CDH11: variants seen among roughly 807,000 people sequenced by gnomAD.
CDH11 encodes cadherin 11, also known as cadherin-11.
CDH11 carries 11 observed loss-of-function variants against 67.8 expected under a neutral mutation model. That is an observed-to-expected ratio of 0.16 (90% CI 0.10 to 0.27). The LOEUF is 0.27. CDH11 is among the 10% of genes least tolerant of loss of function. The probability of loss-of-function intolerance (pLI) is 1.00; values close to 1 mark genes in which losing one functional copy is unlikely to be tolerated. For missense variants in CDH11, 847 were observed against 1,031.2 expected, an observed-to-expected ratio of 0.82 and a Z score of 2.45; for synonymous variants, 419 against 400.0, an observed-to-expected ratio of 1.05 and a Z score of -0.57.
chr16:65,087,186 A>C (rs549536341), intron 1 of CDH11, among the ~76,000 whole-genome samples: 63 of 152,276 alleles, frequency 4.1e-4, no homozygotes, highest in African/African-American at 1.4e-3. Context: ...TCCTCCAACA[A>C]TGACAGCAGC....
intron 1 of CDH11, among the ~76,000 whole-genome samples, chr16:65,097,306 C>T (rs985876732): frequency 6.6e-6 from 1 of 152,162 alleles, no homozygotes; most frequent in Non-Finnish European, 1.5e-5. Context: ...CTGTTAGCCT[C>T]GATTTCCTCA....
At chr16:64,971,175 G>C (rs918858194) in intron 11 of CDH11, among the ~76,000 whole-genome samples, 1 of 152,170 alleles carries the variant, frequency 6.6e-6, no homozygotes. Flanking sequence ...TGGAAAGGAA[G>C]GCCAGCTGAA....
At chr16:65,099,327 T>C (rs1489853961) in intron 1 of CDH11, among the ~76,000 whole-genome samples, 3 of 152,200 alleles carry the variant, frequency 2.0e-5, no homozygotes. Flanking sequence ...CATCCAACAA[T>C]TTTGAGGACC....
At chr16:64,987,964 T>A in intron 7 of CDH11, 193 bp downstream of exon 7, 1 of 456,308 alleles carries the variant, frequency 2.2e-6, no homozygotes, top group East Asian at 3.4e-5. Context: ...AGCCCCTTTG[T>A]CAGCTTCTCT....
intron 1 of CDH11, among the ~76,000 whole-genome samples, chr16:65,081,982 G>A (rs1320391812): frequency 6.6e-6 from 1 of 152,170 alleles, no homozygotes; most frequent in African/African-American, 2.4e-5. Context: ...ACCCTGCACA[G>A]GGCCACTGCT....
rs1280370621 is a variant in CDH11 at position 65,003,076 on chromosome 16, C to T, written c.228+1566G>A. 6.4e-5 allele frequency among the ~76,000 whole-genome samples: 9 copies of T among 140,096 alleles called. No individual in the cohort carries two copies. The East Asian group carries it at 1.7e-3, about 26-fold the overall frequency. 91.9% of individuals were successfully genotyped at this position (140,096 alleles called of 152,430 possible). On this transcript the variant is annotated intron_variant, in intron 3 of 12. Transcript: ENST00000268603. ...TTTCAGTTCTTATGTATCTAAGGATCTATCTTTGTTTTTTTTTTTTTTGAG... is the reference window on the plus strand; with the variant it reads ...TTTCAGTTCTTATGTATCTAAGGATTTATCTTTGTTTTTTTTTTTTTTGAG...
intron 1 of CDH11, among the ~76,000 whole-genome samples, chr16:65,114,765 T>G (rs2075214874): frequency 1.3e-5 from 2 of 152,088 alleles, no homozygotes; most frequent in Non-Finnish European, 2.9e-5. Context: ...AGCCTGGCTG[T>G]GATTTTGGGT....
At chr16:65,054,659 G>C (rs959000411) in intron 1 of CDH11, among the ~76,000 whole-genome samples, 3 of 152,156 alleles carry the variant, frequency 2.0e-5, no homozygotes, top group Non-Finnish European at 4.4e-5. Flanking sequence ...AAGGAATATG[G>C]AGTGTCTAAA....
At position 64,945,569 on chromosome 16, in the gene CDH11, G is replaced by T; in HGVS notation, c.*2034C>A. 9.7e-7 allele frequency: 1 copy of T among 1,028,982 alleles called. No homozygotes were observed. Among genetic ancestry groups the T allele is most frequent in the Non-Finnish European group, 1.2e-6 (1 of 855,864 alleles). 63.7% of individuals were successfully genotyped at this position (1,028,982 alleles called of 1,614,324 possible). A position where few individuals can be genotyped will look rare whatever the true frequency, so the allele number is the denominator to read the frequency against. ...GTGCAAATCTAGCAAAATATTCTTTGGATTACAAAAACTATATAAAAAAAT... is the reference window on the plus strand; with the variant it reads ...GTGCAAATCTAGCAAAATATTCTTTTGATTACAAAAACTATATAAAAAAAT... On this transcript the variant is annotated 3_prime_UTR_variant, in exon 13 of 13. Coordinates refer to ENST00000268603, the MANE Select transcript of CDH11 (RefSeq NM_001797.4).
chr16:64,949,558 C>A (rs1199502933), intron 12 of CDH11, among the ~76,000 whole-genome samples: 1 of 151,792 alleles, frequency 6.6e-6, no homozygotes, highest in Non-Finnish European at 1.5e-5. Context: ...TCCCAAGTAG[C>A]TGGGATTACA....
chr16:65,072,231 A>T (rs2074430452), intron 1 of CDH11: 1 of 152,576 alleles, frequency 6.6e-6, no homozygotes, highest in Admixed American at 6.5e-5. Context: ...ACAGACGGAG[A>T]GGCGGCTCCT....
At chr16:64,958,919 T>C (rs1215678893) in intron 11 of CDH11, among the ~76,000 whole-genome samples, 1 of 152,038 alleles carries the variant, frequency 6.6e-6, no homozygotes, top group Non-Finnish European at 1.5e-5. Flanking sequence ...GACACAGACA[T>C]ACACACGCAA....
At chr16:64,982,624 T>G in intron 7 of CDH11, 1 of 217,028 alleles carries the variant, frequency 4.6e-6, no homozygotes, top group Non-Finnish European at 9.1e-6. Flanking sequence ...ATTAAAACAT[T>G]GCAAAAATAC....
chr16:64,974,797 A>G (rs867946251), intron 8 of CDH11, among the ~76,000 whole-genome samples: 1 of 152,230 alleles, frequency 6.6e-6, no homozygotes, highest in African/African-American at 2.4e-5. Context: ...AGTTGACATG[A>G]CAACACACAT....
chr16:64,971,854 T>G, intron 10 of CDH11, 77 bp downstream of exon 10: 1 of 1,531,796 alleles, frequency 6.5e-7, no homozygotes, highest in South Asian at 1.1e-5. Context: ...GGTTGGTATC[T>G]CCAAGTGATG....
At chr16:65,116,551 G>C (rs1357723670) in intron 1 of CDH11, among the ~76,000 whole-genome samples, 2 of 152,160 alleles carry the variant, frequency 1.3e-5, no homozygotes, top group African/African-American at 4.8e-5. Flanking sequence ...GTGGAGTTTA[G>C]GAAGTGAAAG....
intron 7 of CDH11, chr16:64,982,577 G>A (rs1316157597): frequency 1.6e-5 from 5 of 312,000 alleles, no homozygotes; most frequent in Non-Finnish European, 1.8e-5. Context: ...CACTAATGTT[G>A]CCCAAATAAG....
rs1181876819 is a variant in CDH11, at chr16:64,943,873, C to T, written c.*3730G>A. ...TCCCTGCCCTCATGGAGCTTACATT[C>T]TAGTGGGGCAGTCAGTCCCACCCAC... On this transcript the variant is annotated 3_prime_UTR_variant, in exon 13 of 13. Transcript: ENST00000268603. 4.4e-6 allele frequency: 1 copy of T among 228,694 alleles called. No individual in the cohort carries two copies. The highest frequency in any genetic ancestry group is 8.7e-6 in the Non-Finnish European group (1 of 115,208). The allele number at this position is 228,694 out of a possible 1,614,324, so 14.2% of individuals were successfully genotyped here.
chr16:65,103,719 C>T (rs191585645), intron 1 of CDH11, among the ~76,000 whole-genome samples: 34 of 152,256 alleles, frequency 2.2e-4, no homozygotes, highest in African/African-American at 8.2e-4. Flanking sequence ...GCTGCATGTA[C>T]CTACTGAGCA....
Sources: allele counts gnomAD v4.1 joint callset (sites outside exome capture counted in the v4.1 genomes callset), GRCh38; gene constraint gnomAD v4.1.1; transcripts MANE v1.5; gene names NCBI Gene and HGNC (gene_info 2026-07-23, HGNC 2026-07-21).